The following ZNF33A variants were observed in gnomAD, a reference collection of about 807,000 sequenced individuals.
ZNF33A encodes the protein brain my041 protein.
A neutral mutation model predicts 15.9 loss-of-function variants in ZNF33A; 9 were observed. The observed-to-expected ratio is 0.57, with a 90% CI of 0.34 to 0.99. The LOEUF (loss-of-function observed/expected upper bound fraction) is 0.99. Among genes scored for constraint, ZNF33A ranks in the 50% least tolerant of loss-of-function variants. The pLI, the probability that ZNF33A is intolerant of heterozygous loss-of-function variation, is 0.02. For synonymous variants in ZNF33A, 294 were observed against 324.2 expected, an observed-to-expected ratio of 0.91 and a Z score of 1.00; for missense variants, 843 against 941.6, an observed-to-expected ratio of 0.90 and a Z score of 1.37.
rs758611747 is a variant in ZNF33A, at chr10:38,056,598, A to G, written c.*38A>G. The G allele has an allele frequency of 2.6e-6, 4 of 1,527,036 alleles. No individual in the cohort carries two copies. The East Asian group carries it at 9.0e-5, about 34-fold the overall frequency. 94.6% of individuals were successfully genotyped at this position (1,527,036 alleles called of 1,614,324 possible). The stretch of plus-strand genomic sequence containing the variant: ...TCACCTTATGTTACTCCAAAGTAAT[A>G]GTAGGGGATAAACCCATAGACTACA... On this transcript the variant is annotated 3_prime_UTR_variant, in exon 5 of 5. Transcript: ENST00000432900.
chr10:38,017,652 G>T, intron 4 of ZNF33A: 2 of 243,886 alleles, frequency 8.2e-6, no homozygotes, highest in Non-Finnish European at 1.6e-5. Flanking sequence ...CTTTACTGTT[G>T]TTTTTCTTGG....
intron 4 of ZNF33A, among the ~76,000 whole-genome samples, chr10:38,041,270 C>T (rs991965166): frequency 3.3e-5 from 5 of 151,982 alleles, no homozygotes; most frequent in Non-Finnish European, 5.9e-5. Flanking sequence ...TCCTCCCCAC[C>T]CCTCCAAGTG....
intron 2 of ZNF33A, 35 bp downstream of exon 2, chr10:38,012,385 A>G: frequency 6.5e-7 from 1 of 1,549,838 alleles, no homozygotes; most frequent in East Asian, 2.3e-5. Context: ...TTTATTTTGC[A>G]GTGGACTTTG....
downstream of ZNF33A, among the ~76,000 whole-genome samples, chr10:38,066,620 G>T (rs995360781): frequency 6.6e-6 from 1 of 151,670 alleles, no homozygotes; most frequent in Non-Finnish European, 1.5e-5. Flanking sequence ...AAACTCTCCA[G>T]TGTGTAAAGC....
downstream of ZNF33A, chr10:38,063,992 A>G (rs1459030334): frequency 5.8e-6 from 7 of 1,201,004 alleles, no homozygotes; most frequent in Admixed American, 1.1e-4. Flanking sequence ...ATTCTGTAGG[A>G]AAACAGGAAG....
chr10:38,010,836 G>C, intron 1 of ZNF33A, 53 bp downstream of exon 1: 1 of 1,593,372 alleles, frequency 6.3e-7, no homozygotes, highest in Non-Finnish European at 8.5e-7. Flanking sequence ...CGCGACTCCT[G>C]GGGCGGGCGG....
chr10:38,064,728 C>T (rs2066693059), downstream of ZNF33A: 1 of 152,166 alleles, frequency 6.6e-6, no homozygotes, highest in East Asian at 1.9e-4. Context: ...TTTCTGCCTC[C>T]CTCTCACTCT....
At chr10:38,016,381 C>G (rs2064453332) in intron 2 of ZNF33A, among the ~76,000 whole-genome samples, 1 of 152,198 alleles carries the variant, frequency 6.6e-6, no homozygotes, top group African/African-American at 2.4e-5. Flanking sequence ...ATCTCCTGTG[C>G]TGTCTGCCAT....
chr10:38,050,717 T>C lies in ZNF33A; in HGVS notation c.251-3658T>C, dbSNP rs568519935. Among the ~76,000 whole-genome samples the C allele has an allele frequency of 2.2e-4, 34 of 152,314 alleles. No homozygotes were observed. In the East Asian group the frequency reaches 5.4e-3, roughly 24 times the overall value. The stretch of plus-strand genomic sequence containing the variant: ...TGCACCCCAGAGAGGACCCACAGTG[T>C]GAGGCTGGCTTGCTTGTCTCTCCCC... On this transcript the variant is annotated intron_variant, in intron 4 of 4. Coordinates refer to ENST00000432900, the MANE Select transcript of ZNF33A (RefSeq NM_006954.2).
chr10:38,047,190 CAAAAAAAAAAAA>C (rs61278605), intron 4 of ZNF33A, among the ~76,000 whole-genome samples: 2 of 64,052 alleles, frequency 3.1e-5, no homozygotes, highest in Non-Finnish European at 5.2e-5. Flanking sequence ...CCACCCCTGC[CAAAAAAAAAAAA>C]AAAAAAAAAA....
At chr10:38,042,357 T>C (rs983398753) in intron 4 of ZNF33A, among the ~76,000 whole-genome samples, 7 of 152,038 alleles carry the variant, frequency 4.6e-5, no homozygotes, top group African/African-American at 1.4e-4. Flanking sequence ...AATTTTTGTG[T>C]TTTTAGTAGA....
At chr10:38,038,731 T>G (rs914401335) in intron 4 of ZNF33A, among the ~76,000 whole-genome samples, 3 of 152,208 alleles carry the variant, frequency 2.0e-5, no homozygotes, top group Non-Finnish European at 4.4e-5. Flanking sequence ...TGTAGATGCC[T>G]TTAATCAGGC....
chr10:38,012,457 A>ACTCT, intron 2 of ZNF33A, 107 bp downstream of exon 2: 1 of 1,173,654 alleles, frequency 8.5e-7, no homozygotes, highest in Non-Finnish European at 1.1e-6. Flanking sequence ...TGTGAGACGG[A>ACTCT]GTCTCACTCT....
At chr10:38,061,650 T>C (rs2066655130), downstream of ZNF33A, among the ~76,000 whole-genome samples, 1 of 152,124 alleles carries the variant, frequency 6.6e-6, no homozygotes, top group Admixed American at 6.5e-5. Flanking sequence ...AAAAGTCATG[T>C]TGAGGCTGGG....
At chr10:38,028,709 C>T (rs535155404) in intron 4 of ZNF33A, among the ~76,000 whole-genome samples, 1 of 152,256 alleles carries the variant, frequency 6.6e-6, no homozygotes, top group East Asian at 1.9e-4. Context: ...CTCAAGTGAT[C>T]CACCCATCTC....
downstream of ZNF33A, among the ~76,000 whole-genome samples, chr10:38,062,216 C>T (rs1221532956): frequency 6.6e-6 from 1 of 152,096 alleles, no homozygotes; most frequent in Non-Finnish European, 1.5e-5. Flanking sequence ...TGGCCCTCAC[C>T]GGATACTCAC....
At chr10:38,047,624 CAAAAAAAAAAAAAAAAAAAAAAAAAA>C (rs554054575) in intron 4 of ZNF33A, among the ~76,000 whole-genome samples, 4 of 75,010 alleles carry the variant, frequency 5.3e-5, no homozygotes, top group African/African-American at 1.5e-4. Context: ...GACTCTGTCT[CAAAAAAAAAAAAAAAAAAAAAAAAAA>C]AAAAAAAAAA....
downstream of ZNF33A, among the ~76,000 whole-genome samples, chr10:38,061,352 A>G (rs893918388): frequency 2.0e-5 from 3 of 152,142 alleles, no homozygotes; most frequent in Non-Finnish European, 4.4e-5. Context: ...ATGCACATGC[A>G]TGGTGGCCCA....
downstream of ZNF33A, among the ~76,000 whole-genome samples, chr10:38,063,751 G>A (rs947174298): frequency 6.6e-6 from 1 of 152,178 alleles, no homozygotes. Flanking sequence ...TTTTCTCTGC[G>A]TCAGTCTGCC....
Sources: gnomAD v4.1 joint callset for allele counts (sites outside exome capture counted in the v4.1 genomes callset) on GRCh38, gnomAD v4.1.1 for gene constraint, MANE v1.5 for transcripts, NCBI Gene and HGNC (gene_info 2026-07-23, HGNC 2026-07-21) for gene names.